Variants in LRRC4B observed in about 807,000 individuals in gnomAD.
LRRC4B encodes leucine rich repeat containing 4B.
Under a neutral mutation model 7.3 loss-of-function variants are expected in LRRC4B, and 1 was observed. The ratio of observed to expected loss-of-function variants is 0.14; its 90% CI spans 0.05 to 0.65. The LOEUF (loss-of-function observed/expected upper bound fraction) is 0.65. LRRC4B is among the 30% of genes least tolerant of loss of function. The pLI is 0.84. For synonymous variants in LRRC4B, 500 were observed against 499.2 expected, an observed-to-expected ratio of 1.00 and a Z score of -0.02; for missense variants, 730 against 1,041.6, an observed-to-expected ratio of 0.70 and a Z score of 4.12.
At chr19:50,565,260 C>T (rs1982591235) in intron 1 of LRRC4B, among the ~76,000 whole-genome samples, 1 of 152,224 alleles carries the variant, frequency 6.6e-6, no homozygotes, top group Admixed American at 6.5e-5. Context: ...GGGCCACCTC[C>T]GTGCCTTTTG....
chr19:50,552,701 C>T lies in LRRC4B; in HGVS notation c.-35-3828G>A, dbSNP rs553685562. On this transcript the variant is annotated intron_variant, in intron 1 of 2. Transcript: ENST00000652263. ...CCATCCATCCATCCGTCCATCCATC[C>T]GCCCATCCGTCCATCCGTCTATCCA... 2.5e-4 allele frequency among the ~76,000 whole-genome samples: 37 copies of T among 150,854 alleles called. 1 individual carries two copies. Among genetic ancestry groups the T allele is most frequent in the Admixed American group, 2.2e-3 (34 of 15,162 alleles).
At chr19:50,554,988 C>A (rs1327363623) in intron 1 of LRRC4B, among the ~76,000 whole-genome samples, 1 of 152,176 alleles carries the variant, frequency 6.6e-6, no homozygotes, top group East Asian at 1.9e-4. Flanking sequence ...TGCTGAACAG[C>A]CACCCTTCCT....
chr19:50,523,620 G>A (rs1201273404), intron 2 of LRRC4B, among the ~76,000 whole-genome samples: 2 of 142,984 alleles, frequency 1.4e-5, no homozygotes, highest in African/African-American at 2.6e-5. Flanking sequence ...CCGAGATCGC[G>A]CCACTGCACT....
chr19:50,565,072 G>C (rs1040702074), intron 1 of LRRC4B, among the ~76,000 whole-genome samples: 1 of 152,116 alleles, frequency 6.6e-6, no homozygotes, highest in African/African-American at 2.4e-5. Flanking sequence ...CCCGTGGCGA[G>C]AGGAACACTC....
At chr19:50,549,065 G>A (rs935688146) in intron 1 of LRRC4B, among the ~76,000 whole-genome samples, 192 bp from the exon 2 acceptor site, 4 of 152,136 alleles carry the variant, frequency 2.6e-5, no homozygotes, top group South Asian at 2.1e-4. Context: ...AGCTTGGCCC[G>A]CCTGGCCCTG....
intron 2 of LRRC4B, among the ~76,000 whole-genome samples, chr19:50,539,008 C>T (rs1257537195): frequency 2.0e-5 from 3 of 151,482 alleles, no homozygotes; most frequent in Admixed American, 6.6e-5. Flanking sequence ...CTGCCTCAGC[C>T]TCCCAAGTAG....
rs187276009 is a variant in LRRC4B, at chr19:50,553,987, G to A, written c.-35-5114C>T. Among the ~76,000 whole-genome samples the A allele has an allele frequency of 2.3e-4, 30 of 131,770 alleles. No individual in the cohort carries two copies. Among genetic ancestry groups the A allele is most frequent in the Non-Finnish European group, 4.2e-4 (26 of 61,848 alleles). The allele number at this position is 131,770 out of a possible 152,430, so 86.4% of individuals were successfully genotyped here. A position where few individuals can be genotyped will look rare whatever the true frequency, so the allele number is the denominator to read the frequency against. ...CCCAGGAGGCCTGCTGGCAGAGGCAGCACCTTTTTTTTTTTTTTTTTTTTG... is the reference window on the plus strand; with the variant it reads ...CCCAGGAGGCCTGCTGGCAGAGGCAACACCTTTTTTTTTTTTTTTTTTTTG... On this transcript the variant is annotated intron_variant, in intron 1 of 2. Coordinates refer to ENST00000652263, the MANE Select transcript of LRRC4B (RefSeq NM_001080457.2). The surrounding 1 kb of genome is among the most constrained non-coding windows in gnomAD (Gnocchi z 4.2).
chr19:50,518,299 C>T lies in LRRC4B; in HGVS notation c.1414G>A (p.Gly472Arg). Residue 472 changes from glycine to arginine, a missense_variant, in exon 3 of 3, where the codon GGG becomes AGG. This residue lies in a region of LRRC4B where 192 missense variants were observed against 228.6 expected (regional missense o/e 0.84). Coordinates refer to ENST00000652263, the MANE Select transcript of LRRC4B (RefSeq NM_001080457.2). ...GGTGSGGGGP[G>R]GSGGVGGGSG... ...CCCCCTCCAACACCACCACTGCCCC[C>T]AGGGCCGCCCCCGCCGCTGCCGGTG... is the stretch of plus-strand genomic sequence containing the variant. 1 of 1,601,098 alleles carries T rather than the reference C, an allele frequency of 6.2e-7. No individual in the cohort carries two copies. Among genetic ancestry groups the T allele is most frequent in the Non-Finnish European group, 8.5e-7 (1 of 1,174,372 alleles).
chr19:50,539,843 C>T (rs8108888), intron 2 of LRRC4B, among the ~76,000 whole-genome samples: 9 of 149,710 alleles, frequency 6.0e-5, no homozygotes, highest in Non-Finnish European at 8.9e-5. Flanking sequence ...ACCGAGATCG[C>T]GCCACTGCAC....
rs1265948598 is a variant in LRRC4B, at chr19:50,517,589, C to T, written c.2124G>A (p.Val708=). The change falls in exon 3 of 3, where the codon GTG becomes GTA. Residue 708 remains valine (V), a synonymous_variant. Transcript: ENST00000652263. This position sits in a 1 kb window ranked among gnomAD's most constrained non-coding sequence, Gnocchi z 6.6. ...LLFKSGSKEN[V]QETQI ...CGCCGCCTCAGATCTGCGTCTCTTG[C>T]ACGTTCTCCTTGGAGCCGCTCTTGA... 1.9e-5 allele frequency: 28 copies of T among 1,449,922 alleles called. No individual in the cohort carries two copies. The highest frequency in any genetic ancestry group is 2.3e-5 in the Non-Finnish European group (25 of 1,101,156). The allele number at this position is 1,449,922 out of a possible 1,614,324, so 89.8% of individuals were successfully genotyped here.
chr19:50,542,068 A>G (rs996053251), intron 2 of LRRC4B, among the ~76,000 whole-genome samples: 2 of 152,266 alleles, frequency 1.3e-5, no homozygotes, highest in Non-Finnish European at 2.9e-5. Flanking sequence ...ACGTGTACGC[A>G]AAGCAACAAT....
chr19:50,551,309 TG>T lies in LRRC4B; in HGVS notation c.-35-2437del, dbSNP rs745947427. ...CCAGGGCTTCCTGTCGAGATCGTGC[TG>T]GGGGGGGCGCAGGGGCTTCTTGGGT... is the stretch of plus-strand genomic sequence containing the variant. On this transcript the variant is annotated intron_variant, in intron 1 of 2. Transcript: ENST00000652263. Among the ~76,000 whole-genome samples, 20 of 148,920 alleles carry T rather than the reference TG, an allele frequency of 1.3e-4. No homozygotes were observed. In the South Asian group the frequency reaches 2.4e-3, roughly 18 times the overall value.
chr19:50,543,335 G>GGTGT (rs143123202), intron 2 of LRRC4B, among the ~76,000 whole-genome samples: 3,260 of 145,256 alleles, frequency 0.022, 121 homozygotes, highest in African/African-American at 0.074. Context: ...GCCAGGCCCT[G>GGTGT]GTGTGTGTGT....
At chr19:50,528,526 G>A (rs569461847) in intron 2 of LRRC4B, among the ~76,000 whole-genome samples, 148 of 152,206 alleles carry the variant, frequency 9.7e-4, no homozygotes, top group African/African-American at 3.3e-3. Context: ...TGTATTTTTA[G>A]TAGAGACAGC....
At position 50,548,966 on chromosome 19, in the gene LRRC4B, C is replaced by T. The variant is rs1430516486; in HGVS notation, c.-35-93G>A. On this transcript the variant is annotated intron_variant, in intron 1 of 2. Transcript: ENST00000652263. This position sits in a 1 kb window ranked among gnomAD's most constrained non-coding sequence, Gnocchi z 6.8. ...GCCAACACCCAGGCAGCCCCATCGC[C>T]GCCTCCCTGCCCCATGCCCAGAACA... is the stretch of plus-strand genomic sequence containing the variant. 3.0e-6 allele frequency: 2 copies of T among 666,446 alleles called. No individual in the cohort carries two copies. Among genetic ancestry groups the T allele is most frequent in the Non-Finnish European group, 5.0e-6 (2 of 401,754 alleles). The allele number at this position is 666,446 out of a possible 1,614,324, so 41.3% of individuals were successfully genotyped here.
At position 50,519,492 on chromosome 19, in the gene LRRC4B, AGGTGGGGCCGTGT is replaced by A; in HGVS notation, c.298-90_298-78del. 6.9e-7 allele frequency: 1 copy of A among 1,458,030 alleles called. No homozygotes were observed. The allele number at this position is 1,458,030 out of a possible 1,614,324, so 90.3% of individuals were successfully genotyped here. ...GGGGGATCACCAAGGTCCCGGGCGC[AGGTGGGGCCGTGT>A]GGCTGGATCTCCCGTGCTGTGCTGT... On this transcript the variant is annotated intron_variant, in intron 2 of 2. Coordinates refer to ENST00000652263, the MANE Select transcript of LRRC4B (RefSeq NM_001080457.2). This position sits in a 1 kb window ranked among gnomAD's most constrained non-coding sequence, Gnocchi z 8.1.
At chr19:50,543,307 C>T (rs1176879807) in intron 2 of LRRC4B, among the ~76,000 whole-genome samples, 5 of 150,384 alleles carry the variant, frequency 3.3e-5, no homozygotes, top group South Asian at 4.2e-4. Flanking sequence ...TTCAGCCTGC[C>T]GCTACCAATG....
intron 2 of LRRC4B, among the ~76,000 whole-genome samples, chr19:50,529,764 C>T (rs527843258): frequency 1.6e-4 from 24 of 152,228 alleles, no homozygotes; most frequent in African/African-American, 5.1e-4. Context: ...ACTGCCACTG[C>T]GCTCCAGCCT....
intron 1 of LRRC4B, among the ~76,000 whole-genome samples, chr19:50,566,123 G>C (rs1320602266): frequency 4.6e-5 from 7 of 151,014 alleles, no homozygotes; most frequent in Admixed American, 4.0e-4. Flanking sequence ...GCTGCGGAAA[G>C]GCAGGTTAGA....
Sources: allele counts gnomAD v4.1 joint callset (sites outside exome capture counted in the v4.1 genomes callset), GRCh38; gene constraint gnomAD v4.1.1; regional missense constraint gnomAD v4.1.1; non-coding constraint Gnocchi (gnomAD v3.1); transcripts MANE v1.5; gene names NCBI Gene and HGNC (gene_info 2026-07-23, HGNC 2026-07-21).